The following ATP9B variants were observed in gnomAD, a reference collection of about 807,000 sequenced individuals.
ATP9B encodes the protein probable phospholipid-transporting ATPase IIB.
In ATP9B, 110 loss-of-function variants were observed where a neutral mutation model predicts 146.1. That is an observed-to-expected ratio of 0.75 (90% CI 0.65 to 0.88). The LOEUF is 0.88. Ranked by LOEUF, ATP9B falls within the 40% of genes least tolerant of loss-of-function variation. The pLI is 0.00. For missense variants in ATP9B, 1,499 were observed against 1,496.4 expected, an observed-to-expected ratio of 1.00 and a Z score of -0.03; for synonymous variants, 604 against 569.7, an observed-to-expected ratio of 1.06 and a Z score of -0.86.
intron 6 of ATP9B, chr18:79,144,747 A>AT (rs758106456): frequency 6.1e-4 from 61 of 100,256 alleles, no homozygotes; most frequent in Non-Finnish European, 9.5e-4. Flanking sequence ...TCTTATTTTT[A>AT]TTTTTTTTCT....
At chr18:79,160,289 G>A (rs956571513) in intron 7 of ATP9B, among the ~76,000 whole-genome samples, 10 of 152,248 alleles carry the variant, frequency 6.6e-5, no homozygotes, top group African/African-American at 2.2e-4. Flanking sequence ...TTTCAAGTCC[G>A]GTTATTTTCC....
At chr18:79,313,838 C>T (rs1347422567) in intron 15 of ATP9B, among the ~76,000 whole-genome samples, 1 of 152,108 alleles carries the variant, frequency 6.6e-6, no homozygotes, top group African/African-American at 2.4e-5. Context: ...ATTAAATAAC[C>T]TTTTAAAAAT....
At chr18:79,181,652 A>C (rs1003351642) in intron 8 of ATP9B, among the ~76,000 whole-genome samples, 1 of 152,046 alleles carries the variant, frequency 6.6e-6, no homozygotes, top group Non-Finnish European at 1.5e-5. Flanking sequence ...CTCTGTCATT[A>C]AATTCACTAA....
intron 6 of ATP9B, among the ~76,000 whole-genome samples, chr18:79,149,448 T>C (rs895780427): frequency 3.9e-5 from 6 of 151,946 alleles, no homozygotes; most frequent in Admixed American, 3.3e-4. Flanking sequence ...ATGGACTTAA[T>C]GTAAAATGTG....
intron 13 of ATP9B, among the ~76,000 whole-genome samples, chr18:79,285,899 C>G (rs1472751485): frequency 3.3e-5 from 5 of 150,420 alleles, no homozygotes; most frequent in Admixed American, 2.0e-4. Flanking sequence ...GCTTGTTTTT[C>G]TCAGGTTTGT....
intron 6 of ATP9B, among the ~76,000 whole-genome samples, chr18:79,152,068 A>T (rs1467730777): frequency 6.6e-6 from 1 of 152,222 alleles, no homozygotes; most frequent in Non-Finnish European, 1.5e-5. Flanking sequence ...AACAAACATG[A>T]AAAAAAGCTC....
At chr18:79,161,831 G>A (rs1380227363) in intron 7 of ATP9B, among the ~76,000 whole-genome samples, 1 of 152,148 alleles carries the variant, frequency 6.6e-6, no homozygotes, top group Non-Finnish European at 1.5e-5. Context: ...GGGTGACAGA[G>A]CGAGACTCCG....
chr18:79,313,414 G>A lies in ATP9B; in HGVS notation c.1773+6180G>A, dbSNP rs375270550. 2.4e-3 allele frequency among the ~76,000 whole-genome samples: 365 copies of A among 152,218 alleles called. 1 individual carries two copies. Among genetic ancestry groups the A allele is most frequent in the South Asian group, 6.4e-3 (31 of 4,810 alleles). On this transcript the variant is annotated intron_variant, in intron 15 of 29. Transcript: ENST00000426216. The stretch of plus-strand genomic sequence containing the variant: ...CCCATATTCCTATCAAGAAGGGGTC[G>A]AACACATTGTTTTTTCTGTTATGGC...
chr18:79,176,079 T>C (rs924325339), intron 7 of ATP9B, among the ~76,000 whole-genome samples: 11 of 152,242 alleles, frequency 7.2e-5, no homozygotes, highest in Non-Finnish European at 1.6e-4. Flanking sequence ...TTGTTTGCTT[T>C]ACTTTCTTCT....
intron 8 of ATP9B, among the ~76,000 whole-genome samples, chr18:79,178,934 C>T (rs573709352): frequency 8.5e-5 from 13 of 152,058 alleles, no homozygotes; most frequent in East Asian, 1.9e-4. Flanking sequence ...ATAAAATTGG[C>T]GTTATTTATT....
chr18:79,073,484 C>T (rs1320911025), intron 1 of ATP9B, among the ~76,000 whole-genome samples: 8 of 152,234 alleles, frequency 5.3e-5, no homozygotes, highest in Non-Finnish European at 1.2e-4. Flanking sequence ...AAAAACCAGT[C>T]AGGCGTGGCG....
At chr18:79,077,422 G>T (rs1332991138) in intron 1 of ATP9B, among the ~76,000 whole-genome samples, 1 of 152,146 alleles carries the variant, frequency 6.6e-6, no homozygotes, top group Non-Finnish European at 1.5e-5. Flanking sequence ...GGGGAGGAGT[G>T]CCTGGTTACT....
At chr18:79,210,361 C>T (rs1042602394) in intron 10 of ATP9B, among the ~76,000 whole-genome samples, 2 of 152,166 alleles carry the variant, frequency 1.3e-5, no homozygotes, top group Admixed American at 6.5e-5. Flanking sequence ...TGTGGACCCA[C>T]GCCTGGGTGC....
chr18:79,087,031 T>TA (rs1489749970), intron 1 of ATP9B, among the ~76,000 whole-genome samples: 1 of 152,190 alleles, frequency 6.6e-6, no homozygotes, highest in Non-Finnish European at 1.5e-5. Flanking sequence ...GAACAGAAAT[T>TA]TATTTCTCAC....
At chr18:79,227,594 C>T (rs1195577836) in intron 11 of ATP9B, among the ~76,000 whole-genome samples, 1 of 152,208 alleles carries the variant, frequency 6.6e-6, no homozygotes, top group East Asian at 1.9e-4. Flanking sequence ...CCTTCCCTGA[C>T]AGTGAGAAAC....
intron 5 of ATP9B, among the ~76,000 whole-genome samples, chr18:79,140,704 C>T (rs2094503121): frequency 6.6e-6 from 1 of 152,092 alleles, no homozygotes; most frequent in Non-Finnish European, 1.5e-5. Context: ...CACTTGAACC[C>T]TGGAGGCGGA....
intron 13 of ATP9B, among the ~76,000 whole-genome samples, chr18:79,281,529 A>G (rs534867324): frequency 1.3e-5 from 2 of 152,324 alleles, no homozygotes; most frequent in South Asian, 2.1e-4. Flanking sequence ...GCATGAACAC[A>G]TACTACAAAA....
Position 79,207,022 on chromosome 18 carries a change from A to C in ATP9B, c.1030+10A>C. On this transcript the variant is annotated intron_variant, in intron 10 of 29. Coordinates refer to ENST00000426216, the MANE Select transcript of ATP9B (RefSeq NM_198531.5). ...ACCATTGTTGCATCAGGTAAGGAAA[A>C]CATTCTCCTCTGAGTGTGATTGCTC... 6.2e-7 allele frequency: 1 copy of C among 1,611,746 alleles called. No individual in the cohort carries two copies. The highest frequency in any genetic ancestry group is 1.1e-5 in the South Asian group (1 of 91,008).
chr18:79,209,766 G>A, intron 10 of ATP9B: 1 of 802,924 alleles, frequency 1.2e-6, no homozygotes, highest in Non-Finnish European at 1.5e-6. Flanking sequence ...TTAAATGTAA[G>A]CTTTAATTTC....
Sources: gnomAD v4.1 joint callset for allele counts (sites outside exome capture counted in the v4.1 genomes callset) on GRCh38, gnomAD v4.1.1 for gene constraint, MANE v1.5 for transcripts, NCBI Gene and HGNC (gene_info 2026-07-23, HGNC 2026-07-21) for gene names.